ZNF148: variants seen among roughly 807,000 people sequenced by gnomAD.
ZNF148 encodes the protein zinc finger protein 148.
ZNF148 carries 7 observed loss-of-function variants against 67.7 expected under a neutral mutation model. The observed-to-expected ratio is 0.10, with a 90% confidence interval of 0.06 to 0.19. ZNF148 has a LOEUF of 0.19. ZNF148 is among the 10% of genes least tolerant of loss of function. ZNF148 has a pLI of 1.00. For missense variants in ZNF148, 583 were observed against 947.1 expected, an observed-to-expected ratio of 0.62 and a Z score of 5.05; for synonymous variants, 333 against 330.7, an observed-to-expected ratio of 1.01 and a Z score of -0.08.
At chr3:125,241,427 C>T (rs1936353898) in intron 7 of ZNF148, among the ~76,000 whole-genome samples, 1 of 151,720 alleles carries the variant, frequency 6.6e-6, no homozygotes, top group Non-Finnish European at 1.5e-5. Flanking sequence ...TACAGGCATG[C>T]ACCTGGCCAG....
chr3:125,333,943 T>C (rs1436430787), intron 1 of ZNF148, among the ~76,000 whole-genome samples: 1 of 152,222 alleles, frequency 6.6e-6, no homozygotes, highest in Non-Finnish European at 1.5e-5. Context: ...ATTGTATCTA[T>C]GCTATCAATC....
chr3:125,337,040 C>A (rs1941529137), intron 1 of ZNF148, among the ~76,000 whole-genome samples: 4 of 148,964 alleles, frequency 2.7e-5, no homozygotes. Context: ...AAAAATCAAG[C>A]CAAAATCTTT....
In ZNF148 at chr3:125,227,934, TATA is replaced by T. The variant is rs1360116573; in HGVS notation, c.*4404_*4406del. Reference sequence around the variant, plus strand: ...GTGTTCAAATAGCTGTCCTGTACAGTATAATATCTACTCACTTGAAACTATAAT... The same window carrying T: ...GTGTTCAAATAGCTGTCCTGTACAGTATATCTACTCACTTGAAACTATAAT... On this transcript the variant is annotated 3_prime_UTR_variant, in exon 9 of 9. Coordinates refer to ENST00000360647, the MANE Select transcript of ZNF148 (RefSeq NM_021964.3). 2 of 152,598 alleles carry T rather than the reference TATA, an allele frequency of 1.3e-5. No individual in the cohort carries two copies. The highest frequency in any genetic ancestry group is 2.9e-5 in the Non-Finnish European group (2 of 68,026). 9.5% of individuals were successfully genotyped at this position (152,598 alleles called of 1,614,324 possible).
In ZNF148 at chr3:125,236,709, C is replaced by T. The variant is rs528915784; in HGVS notation, c.668-2380G>A. Among the ~76,000 whole-genome samples the T allele has an allele frequency of 2.2e-4, 33 of 152,276 alleles. No individual in the cohort carries two copies. In the South Asian group the frequency reaches 4.1e-3, roughly 19 times the overall value. ...CAAATTTTAGAGCTGAAGCGTTTCCCGTGGCTTTTGAGCTGTGCTCTTTCA... is the reference window on the plus strand; with the variant it reads ...CAAATTTTAGAGCTGAAGCGTTTCCTGTGGCTTTTGAGCTGTGCTCTTTCA... On this transcript the variant is annotated intron_variant, in intron 7 of 8. Transcript: ENST00000360647.
In ZNF148 at chr3:125,296,214, C is replaced by T. The variant is rs529393067; in HGVS notation, c.334-7986G>A. ...TCGCCTCACTGCAACCTCCGCCTCC[C>T]AAGTTCAAGCAATTCTCATGCCTCA... is the stretch of plus-strand genomic sequence containing the variant. On this transcript the variant is annotated intron_variant, in intron 4 of 8. Coordinates refer to ENST00000360647, the MANE Select transcript of ZNF148 (RefSeq NM_021964.3). Among the ~76,000 whole-genome samples, 8 of 152,096 alleles carry T rather than the reference C, an allele frequency of 5.3e-5. No homozygotes were observed. The South Asian group carries it at 1.0e-3, about 20-fold the overall frequency.
At chr3:125,294,990 G>A (rs1047459069) in intron 4 of ZNF148, among the ~76,000 whole-genome samples, 1 of 152,064 alleles carries the variant, frequency 6.6e-6, no homozygotes, top group African/African-American at 2.4e-5. Flanking sequence ...TTTCAGTCCA[G>A]GACTGCTTTT....
intron 1 of ZNF148, among the ~76,000 whole-genome samples, chr3:125,371,372 A>AGGG (rs59807253): frequency 1.7e-3 from 110 of 65,364 alleles, no homozygotes; most frequent in East Asian, 2.2e-3. Flanking sequence ...AAAAAAAAAA[A>AGGG]GGGGGGGGGG....
chr3:125,367,465 A>G (rs1291129136), intron 1 of ZNF148, among the ~76,000 whole-genome samples: 1 of 152,150 alleles, frequency 6.6e-6, no homozygotes, highest in Non-Finnish European at 1.5e-5. Context: ...TCTTTTCTTC[A>G]TCATCTCTTT....
intron 3 of ZNF148, among the ~76,000 whole-genome samples, chr3:125,314,397 T>A (rs1371238426): frequency 6.6e-6 from 1 of 152,220 alleles, no homozygotes; most frequent in East Asian, 1.9e-4. Context: ...ACTACAGTAG[T>A]CAATACCATA....
intron 7 of ZNF148, among the ~76,000 whole-genome samples, chr3:125,252,295 T>C (rs1192087547): frequency 6.6e-6 from 1 of 152,162 alleles, no homozygotes; most frequent in African/African-American, 2.4e-5. Context: ...CTGTTTAGGA[T>C]TTTCCCCCCA....
chr3:125,306,333 A>G (rs1223286857), intron 4 of ZNF148, among the ~76,000 whole-genome samples: 1 of 152,152 alleles, frequency 6.6e-6, no homozygotes, highest in Non-Finnish European at 1.5e-5. Flanking sequence ...TGAATAGTGA[A>G]AATCGATAAA....
At chr3:125,364,685 AT>A (rs1353925258) in intron 1 of ZNF148, among the ~76,000 whole-genome samples, 6 of 152,206 alleles carry the variant, frequency 3.9e-5, no homozygotes, top group Non-Finnish European at 1.5e-5. Context: ...CAGCTTGGAA[AT>A]GGCACATGAG....
chr3:125,258,315 C>A (rs986808260), intron 7 of ZNF148, among the ~76,000 whole-genome samples: 4 of 145,364 alleles, frequency 2.8e-5, no homozygotes, highest in African/African-American at 1.0e-4. Flanking sequence ...TTCCCAGCTA[C>A]TCGGGAGGCT....
chr3:125,283,838 T>C (rs1264938158), intron 5 of ZNF148, among the ~76,000 whole-genome samples: 2 of 152,148 alleles, frequency 1.3e-5, no homozygotes, highest in African/African-American at 2.4e-5. Context: ...CAATATATAA[T>C]AAATTGCTGG....
intron 5 of ZNF148, 40 bp from the exon 6 acceptor site, chr3:125,279,287 T>G: frequency 6.9e-7 from 1 of 1,442,554 alleles, no homozygotes; most frequent in South Asian, 1.5e-5. Context: ...AAGAAATAAG[T>G]TTTTAAAATG....
At chr3:125,263,744 C>G (rs1937446520) in intron 7 of ZNF148, among the ~76,000 whole-genome samples, 1 of 152,038 alleles carries the variant, frequency 6.6e-6, no homozygotes, top group Admixed American at 6.6e-5. Flanking sequence ...GTCTTTTATT[C>G]CTGACACAGA....
chr3:125,277,717 A>C lies in ZNF148; in HGVS notation c.667+9T>G. ...TTTAATGAACCTAGTAAGGGTGGTT[A>C]ACACTCACCAGTATGAATCTTCTCA... is the stretch of plus-strand genomic sequence containing the variant. On this transcript the variant is annotated intron_variant, in intron 7 of 8. Coordinates refer to ENST00000360647, the MANE Select transcript of ZNF148 (RefSeq NM_021964.3). The C allele has an allele frequency of 3.7e-6, 6 of 1,601,082 alleles. No homozygotes were observed. The highest frequency in any genetic ancestry group is 5.1e-6 in the Non-Finnish European group (6 of 1,172,754).
At chr3:125,284,947 T>A (rs527237365) in intron 5 of ZNF148, among the ~76,000 whole-genome samples, 1 of 149,178 alleles carries the variant, frequency 6.7e-6, no homozygotes, top group South Asian at 2.1e-4. Flanking sequence ...CTTTGCCATA[T>A]GAGAAAAGTT....
At chr3:125,343,402 G>T (rs766528092) in intron 1 of ZNF148, among the ~76,000 whole-genome samples, 1 of 151,910 alleles carries the variant, frequency 6.6e-6, no homozygotes. Context: ...CTTACAAGAG[G>T]ATTGTAAAAT....
Sources: gnomAD v4.1 joint callset for allele counts (sites outside exome capture counted in the v4.1 genomes callset) on GRCh38, gnomAD v4.1.1 for gene constraint, MANE v1.5 for transcripts, NCBI Gene and HGNC (gene_info 2026-07-23, HGNC 2026-07-21) for gene names.